Variants in SLCO1A2 observed in about 807,000 individuals in gnomAD.
SLCO1A2 encodes solute carrier organic anion transporter family member 1A2.
A neutral mutation model predicts 69.0 loss-of-function variants in SLCO1A2; 67 were observed. The observed-to-expected ratio is 0.97, with a 90% CI of 0.80 to 1.19. The LOEUF (loss-of-function observed/expected upper bound fraction) is 1.19, where lower values mean the gene tolerates loss of function less well. Ranked by LOEUF, SLCO1A2 falls within the 50% of genes most tolerant of loss-of-function variation. The probability of loss-of-function intolerance (pLI) is 0.00; values close to 1 mark genes in which losing one functional copy is unlikely to be tolerated. For synonymous variants in SLCO1A2, 260 were observed against 265.9 expected (o/e 0.98, Z 0.22); for missense variants, 787 against 793.7 (o/e 0.99, Z 0.10).
intron 1 of SLCO1A2, chr12:21,374,608 A>T (rs1298873314): frequency 6.6e-6 from 1 of 150,934 alleles, no homozygotes; most frequent in Non-Finnish European, 1.5e-5. Flanking sequence ...TGTTCTTCTC[A>T]GAACTGACTG....
At position 21,352,494 on chromosome 12, in the gene SLCO1A2, T is replaced by A. The variant is rs559181944; in HGVS notation, c.-62-17785A>T. ...ACATTTATTTGAATCTTCCTATTAATAGTGCTACTACAGCTATGTGTGGTT... is the reference window on the plus strand; with the variant it reads ...ACATTTATTTGAATCTTCCTATTAAAAGTGCTACTACAGCTATGTGTGGTT... On this transcript the variant is annotated intron_variant, in intron 2 of 15. Coordinates refer to the SLCO1A2 transcript ENST00000307378. Among the ~76,000 whole-genome samples, 16 of 152,336 alleles carry A rather than the reference T, an allele frequency of 1.1e-4. No homozygotes were observed. The South Asian group carries it at 1.4e-3, about 14-fold the overall frequency.
At chr12:21,413,900 G>T (rs1318585756) in intron 1 of SLCO1A2, among the ~76,000 whole-genome samples, 1 of 152,054 alleles carries the variant, frequency 6.6e-6, no homozygotes, top group African/African-American at 2.4e-5. Context: ...TAATCACTCC[G>T]GTACCACAGC....
At chr12:21,368,903 C>A (rs778029905) in intron 2 of SLCO1A2, among the ~76,000 whole-genome samples, 4 of 151,888 alleles carry the variant, frequency 2.6e-5, no homozygotes, top group Non-Finnish European at 5.9e-5. Context: ...TATGGGATAT[C>A]AACATATAAA....
Position 21,297,434 on chromosome 12 carries a change from T to C in SLCO1A2, c.1045A>G (p.Ile349Val). The C allele has an allele frequency of 2.5e-6, 4 of 1,611,854 alleles. No homozygotes were observed. The highest frequency in any genetic ancestry group is 2.5e-6 in the Non-Finnish European group (3 of 1,178,590). ...AGAAAGATTGCATCTGAAGATGATATTCCATATTGCTGTTCTAGGTATTTA... is the reference window on the plus strand; with the variant it reads ...AGAAAGATTGCATCTGAAGATGATACTCCATATTGCTGTTCTAGGTATTTA... ...MPKYLEQQYGISSSDAIFLMG... is the reference protein window; with the variant it reads ...MPKYLEQQYGVSSSDAIFLMG... Residue 349 changes from isoleucine to valine, a missense_variant, in exon 9 of 15, where the codon ATA becomes GTA. Physicochemically the swap from Ile to Val is conservative, Grantham distance 29 (BLOSUM62 3). Coordinates refer to ENST00000683939, the MANE Select transcript of SLCO1A2 (RefSeq NM_001386879.1).
Position 21,311,942 on chromosome 12 carries a change from A to G in SLCO1A2, c.335+2607T>C, listed in dbSNP as rs116646965. Among the ~76,000 whole-genome samples the G allele has an allele frequency of 6.6e-3, 1,001 of 151,680 alleles. 11 individuals carry two copies. The highest frequency in any genetic ancestry group is 0.023 in the African/African-American group (953 of 41,236). On this transcript the variant is annotated intron_variant, in intron 4 of 14. Transcript: ENST00000683939. ...CTCCATCTCAAAAAGAAGAAAGAAGAAGGAGAGGGAGAATGAGAAGGAGAA... is the reference window on the plus strand; with the variant it reads ...CTCCATCTCAAAAAGAAGAAAGAAGGAGGAGAGGGAGAATGAGAAGGAGAA...
chr12:21,308,346 A>C (rs185268708), intron 4 of SLCO1A2, among the ~76,000 whole-genome samples: 10 of 152,344 alleles, frequency 6.6e-5, no homozygotes, highest in Admixed American at 5.9e-4. Flanking sequence ...GTGGTCACTG[A>C]AATAAAAGAT....
intron 1 of SLCO1A2, chr12:21,378,263 A>G (rs2137113837): frequency 2.5e-6 from 4 of 1,614,250 alleles, no homozygotes; most frequent in Non-Finnish European, 3.4e-6. Context: ...CGGAAATGCA[A>G]CACTGCCACA....
rs529474973 is a variant in SLCO1A2 at position 21,303,823 on chromosome 12, A to G, written c.589+604T>C. 7.1e-4 allele frequency among the ~76,000 whole-genome samples: 108 copies of G among 152,316 alleles called. 1 individual carries two copies. In the Middle Eastern group the frequency reaches 0.01, roughly 14 times the overall value. The stretch of plus-strand genomic sequence containing the variant: ...GCCTGACTATATGGAGAGATCATTA[A>G]GAAGAGAAACTGTATAGAAACTAAG... On this transcript the variant is annotated intron_variant, in intron 6 of 14. Coordinates refer to ENST00000683939, the MANE Select transcript of SLCO1A2 (RefSeq NM_001386879.1).
In SLCO1A2 at chr12:21,378,285, G is replaced by A. The variant is rs544638006; in HGVS notation, c.-189-3760C>T. ...GCAACACTGCCACATGTGCAACGCA[G>A]CGCCTGGCAAATTTTTTAGTTCATT... On this transcript the variant is annotated intron_variant, in intron 1 of 15. Coordinates refer to the SLCO1A2 transcript ENST00000307378. The A allele has an allele frequency of 7.4e-6, 12 of 1,614,204 alleles. No homozygotes were observed. The East Asian group carries it at 2.2e-4, about 30-fold the overall frequency.
intron 2 of SLCO1A2, among the ~76,000 whole-genome samples, chr12:21,367,993 A>T (rs1939515030): frequency 6.6e-6 from 1 of 152,170 alleles, no homozygotes; most frequent in Admixed American, 6.5e-5. Context: ...TTAGACTAGC[A>T]CTATTTTTCA....
intron 1 of SLCO1A2, among the ~76,000 whole-genome samples, chr12:21,384,789 G>A (rs1174280719): frequency 7.0e-6 from 1 of 141,950 alleles, no homozygotes; most frequent in Non-Finnish European, 1.5e-5. Context: ...TTTTTGAGTC[G>A]GAGTCTCGTT....
At chr12:21,341,181 A>C (rs1477490708) in intron 2 of SLCO1A2, among the ~76,000 whole-genome samples, 1 of 151,970 alleles carries the variant, frequency 6.6e-6, no homozygotes, top group Non-Finnish European at 1.5e-5. Flanking sequence ...AGAGAATCGT[A>C]ACTACCCTAA....
At chr12:21,315,591 T>C (rs975067755) in intron 3 of SLCO1A2, among the ~76,000 whole-genome samples, 6 of 152,170 alleles carry the variant, frequency 3.9e-5, no homozygotes, top group African/African-American at 1.4e-4. Flanking sequence ...TTCTAAGTGG[T>C]GTATATTTTG....
intron 2 of SLCO1A2, among the ~76,000 whole-genome samples, chr12:21,347,665 A>ACAGAAAGGAAGGAAGG (rs1953306788): frequency 1.6e-4 from 1 of 6,390 alleles, no homozygotes; most frequent in Admixed American, 2.6e-3. Flanking sequence ...AAGAAGAAAG[A>ACAGAAAGGAAGGAAGG]AAGAAAGGAA....
intron 1 of SLCO1A2, chr12:21,379,959 T>C (rs1373613872): frequency 1.3e-5 from 2 of 152,144 alleles, no homozygotes; most frequent in Non-Finnish European, 2.9e-5. Context: ...TTGAAATAAA[T>C]AGGTGAATAT....
Position 21,402,214 on chromosome 12 carries a change from G to T in SLCO1A2, c.-312+15668C>A, listed in dbSNP as rs560511115. On this transcript the variant is annotated intron_variant, in intron 1 of 4. Coordinates refer to the SLCO1A2 transcript ENST00000413682. ...TTTAATAGTACAGATTTATACAAAGGCAAAAAGTACCATAAATAAGTTTTT... is the reference window on the plus strand; with the variant it reads ...TTTAATAGTACAGATTTATACAAAGTCAAAAAGTACCATAAATAAGTTTTT... Among the ~76,000 whole-genome samples the T allele has an allele frequency of 5.3e-5, 8 of 150,068 alleles. No homozygotes were observed. The East Asian group carries it at 1.6e-3, about 29-fold the overall frequency.
chr12:21,319,054 C>G, intron 2 of SLCO1A2, 131 bp from the exon 3 acceptor site: 2 of 735,910 alleles, frequency 2.7e-6, no homozygotes. Context: ...TTGCAAGAAA[C>G]TGTAAAGTGT....
chr12:21,334,832 A>G lies in SLCO1A2; in HGVS notation c.-68T>C. 2 of 489,166 alleles carry G rather than the reference A, an allele frequency of 4.1e-6. No homozygotes were observed. The highest frequency in any genetic ancestry group is 7.0e-6 in the Non-Finnish European group (2 of 285,868). The allele number at this position is 489,166 out of a possible 1,614,324, so 30.3% of individuals were successfully genotyped here. On this transcript the variant is annotated 5_prime_UTR_variant, in exon 1 of 15. Transcript: ENST00000683939. ...CCATTGCATTACAAAAATACCTGGA[A>G]CGCTTTAATACAGATTAGAAAATCA...
At chr12:21,335,280 T>C (rs563296423), upstream of SLCO1A2, among the ~76,000 whole-genome samples, 8 of 151,836 alleles carry the variant, frequency 5.3e-5, no homozygotes, top group South Asian at 1.5e-3. Flanking sequence ...CTAGTAAAAA[T>C]AACAAACAAT....
Sources: allele counts gnomAD v4.1 joint callset (sites outside exome capture counted in the v4.1 genomes callset), GRCh38; gene constraint gnomAD v4.1.1; transcripts MANE v1.5; gene names NCBI Gene and HGNC (gene_info 2026-07-23, HGNC 2026-07-21).